Variants in PTPRD observed in about 807,000 individuals in gnomAD.
The protein encoded by PTPRD is protein tyrosine phosphatase receptor type D.
A neutral mutation model predicts 214.5 loss-of-function variants in PTPRD; 34 were observed. That is an observed-to-expected ratio of 0.16 (90% CI 0.12 to 0.21). PTPRD has a LOEUF of 0.21. PTPRD is among the 10% of genes least tolerant of loss of function. The pLI, the probability that PTPRD is intolerant of heterozygous loss-of-function variation, is 1.00. For missense variants in PTPRD, 2,545 were observed against 2,398.7 expected (o/e 1.06, Z -1.27); for synonymous variants, 1,128 against 845.7 (o/e 1.33, Z -5.79).
Position 8,499,712 on chromosome 9 carries a change from T to G in PTPRD, c.2257A>C (p.Arg753=), listed in dbSNP as rs773293347. ...CCCTTGGGCTCACCATTTTCCATCCTCACATAATGCACCTGATATCCTCTT... is the reference window on the plus strand; with the variant it reads ...CCCTTGGGCTCACCATTTTCCATCCGCACATAATGCACCTGATATCCTCTT... ...QIRGYQVHYV[R]MENGEPKGQP... is the part of the protein sequence containing the mutation. Residue 753 remains arginine, a synonymous_variant, in exon 25 of 46, where the codon AGG becomes CGG. Transcript: ENST00000381196. The G allele has an allele frequency of 6.2e-7, 1 of 1,614,134 alleles. No homozygotes were observed. The highest frequency in any genetic ancestry group is 1.1e-5 in the South Asian group (1 of 91,080).
At chr9:8,631,550 T>C (rs2096252391) in intron 14 of PTPRD, among the ~76,000 whole-genome samples, 1 of 151,874 alleles carries the variant, frequency 6.6e-6, no homozygotes. Flanking sequence ...GCACACTCTA[T>C]GGGACTCACT....
intron 11 of PTPRD, among the ~76,000 whole-genome samples, chr9:8,866,079 T>G (rs2098190931): frequency 6.6e-6 from 1 of 152,166 alleles, no homozygotes; most frequent in South Asian, 2.1e-4. Flanking sequence ...CTGTAAACAT[T>G]ATTTCCTATA....
intron 2 of PTPRD, among the ~76,000 whole-genome samples, chr9:10,469,672 G>C (rs2099017393): frequency 6.6e-6 from 1 of 151,974 alleles, no homozygotes; most frequent in Admixed American, 6.6e-5. Context: ...ATATCCAAAA[G>C]AAAGAAAAAC....
chr9:9,120,505 G>A (rs192862136), intron 10 of PTPRD, among the ~76,000 whole-genome samples: 2 of 152,160 alleles, frequency 1.3e-5, no homozygotes, highest in Non-Finnish European at 2.9e-5. Context: ...AAATATGAAA[G>A]CTGTGCATGC....
At chr9:9,760,599 TACACACACACACACACACACAC>T (rs146209140) in intron 6 of PTPRD, among the ~76,000 whole-genome samples, 107 of 107,886 alleles carry the variant, frequency 9.9e-4, no homozygotes, top group Middle Eastern at 8.9e-3. Context: ...TCAGCTATCA[TACACACACACACACACACACAC>T]ACACACACAC....
intron 14 of PTPRD, among the ~76,000 whole-genome samples, chr9:8,582,385 G>C (rs750064819): frequency 2.0e-5 from 3 of 152,164 alleles, no homozygotes; most frequent in East Asian, 1.9e-4. Flanking sequence ...TAATCATAAA[G>C]GAAATCTAAT....
chr9:10,145,673 T>C (rs1465329481), intron 3 of PTPRD, among the ~76,000 whole-genome samples: 2 of 151,908 alleles, frequency 1.3e-5, no homozygotes, highest in South Asian at 2.1e-4. Flanking sequence ...ATGGGATTGG[T>C]ACCATTAACC....
rs530111608 is a variant in PTPRD at position 8,567,988 on chromosome 9, C to A, written c.353-39209G>T. Among the ~76,000 whole-genome samples the A allele has an allele frequency of 3.3e-5, 5 of 152,086 alleles. No homozygotes were observed. In the East Asian group the frequency reaches 5.8e-4, roughly 18 times the overall value. On this transcript the variant is annotated intron_variant, in intron 14 of 45. Transcript: ENST00000381196. ...ATTTAGAAATGAGACCTTATTTTCA[C>A]GGAAATTTAACAAAACTGGCTGTCA...
chr9:10,377,817 G>A (rs1203253198), intron 2 of PTPRD, among the ~76,000 whole-genome samples: 1 of 151,988 alleles, frequency 6.6e-6, no homozygotes, highest in African/African-American at 2.4e-5. Flanking sequence ...CTACTGATGG[G>A]CACTTAGGTT....
intron 3 of PTPRD, among the ~76,000 whole-genome samples, chr9:10,299,495 C>T (rs936643545): frequency 4.6e-5 from 7 of 152,040 alleles, no homozygotes; most frequent in African/African-American, 1.7e-4. Context: ...CTTGAATGTG[C>T]AGATCTTTCT....
At chr9:8,915,526 T>C in intron 11 of PTPRD, among the ~76,000 whole-genome samples, 1 of 152,132 alleles carries the variant, frequency 6.6e-6, no homozygotes, top group Admixed American at 6.5e-5. Flanking sequence ...TATACAAACA[T>C]ATTTACAAGT....
chr9:9,129,506 A>G (rs780124176), intron 10 of PTPRD, among the ~76,000 whole-genome samples: 9 of 152,160 alleles, frequency 5.9e-5, no homozygotes, highest in Non-Finnish European at 7.4e-5. Flanking sequence ...TACTTTCCTA[A>G]TAGAACCATA....
intron 39 of PTPRD, among the ~76,000 whole-genome samples, chr9:8,362,806 G>A (rs1379954703): frequency 1.3e-5 from 2 of 152,186 alleles, no homozygotes; most frequent in Admixed American, 1.3e-4. Context: ...TCAGTCAAGT[G>A]AGTGACTTGC....
At chr9:10,369,293 A>G (rs1301614215) in intron 2 of PTPRD, among the ~76,000 whole-genome samples, 2 of 152,094 alleles carry the variant, frequency 1.3e-5, no homozygotes, top group Admixed American at 6.6e-5. Context: ...TTTCTATTCA[A>G]TTAGCACATT....
chr9:8,485,317 T>G lies in PTPRD; in HGVS notation c.3063A>C (p.Ala1021=), dbSNP rs750140513. ...TTACTGCTTTGACATGAAAATTTTTTGCAAACACTGCTGGAAAAGGAAAAA... is the reference window on the plus strand; with the variant it reads ...TTACTGCTTTGACATGAAAATTTTTGGCAAACACTGCTGGAAAAGGAAAAA... ...FRTLPVDQVF[A]KNFHVKAVMK... Residue 1021 remains alanine, a synonymous_variant, in exon 29 of 46, where the codon GCA becomes GCC. Transcript: ENST00000381196. 4.4e-5 allele frequency: 71 copies of G among 1,613,578 alleles called. No individual in the cohort carries two copies. The highest frequency in any genetic ancestry group is 5.9e-5 in the Non-Finnish European group (70 of 1,179,664).
chr9:9,760,559 G>C (rs2098643494), intron 6 of PTPRD, among the ~76,000 whole-genome samples: 1 of 147,068 alleles, frequency 6.8e-6, no homozygotes, highest in Non-Finnish European at 1.5e-5. Flanking sequence ...TCTGGACTTT[G>C]AGAGATCTCT....
chr9:9,574,410 G>T (rs999129428), intron 8 of PTPRD, among the ~76,000 whole-genome samples: 4 of 151,862 alleles, frequency 2.6e-5, no homozygotes, highest in Non-Finnish European at 5.9e-5. Context: ...CCATCAAATA[G>T]ACTTCATTAT....
intron 11 of PTPRD, among the ~76,000 whole-genome samples, chr9:8,900,869 A>T (rs916345171): frequency 2.0e-5 from 3 of 152,190 alleles, no homozygotes; most frequent in African/African-American, 7.2e-5. Context: ...TATTGATATA[A>T]TATTTTTGGC....
intron 41 of PTPRD, 131 bp from the exon 42 acceptor site, chr9:8,340,600 C>A: frequency 1.1e-6 from 1 of 889,656 alleles, no homozygotes; most frequent in Non-Finnish European, 1.6e-6. Context: ...AGGTAAATTC[C>A]TGCTAAGATT....
Sources: allele counts gnomAD v4.1 joint callset (sites outside exome capture counted in the v4.1 genomes callset), GRCh38; gene constraint gnomAD v4.1.1; transcripts MANE v1.5; gene names NCBI Gene and HGNC (gene_info 2026-07-23, HGNC 2026-07-21).